The following ZNF326 variants were observed in gnomAD, a reference collection of about 807,000 sequenced individuals.
ZNF326 encodes DBIRD complex subunit ZNF326.
Under a neutral mutation model 63.1 loss-of-function variants are expected in ZNF326, and 30 were observed. The observed-to-expected ratio is 0.48, with a 90% CI of 0.36 to 0.64. The LOEUF is 0.64. Ranked by LOEUF, ZNF326 falls within the 30% of genes least tolerant of loss-of-function variation. The pLI is 0.00. For missense variants in ZNF326, 609 were observed against 720.3 expected (o/e 0.85, Z 1.77); for synonymous variants, 194 against 228.2 (o/e 0.85, Z 1.35).
chr1:90,019,885 C>T (rs914116537), intron 9 of ZNF326, among the ~76,000 whole-genome samples: 3 of 152,044 alleles, frequency 2.0e-5, no homozygotes, highest in East Asian at 1.9e-4. Context: ...TTTTCCTTCA[C>T]GTATCTTGAG....
At chr1:90,013,802 G>T (rs902613006) in intron 7 of ZNF326, among the ~76,000 whole-genome samples, 1 of 152,014 alleles carries the variant, frequency 6.6e-6, no homozygotes, top group Non-Finnish European at 1.5e-5. Flanking sequence ...AGTGGCTCAT[G>T]CCTGTAATCC....
At chr1:90,026,682 T>A (rs1650028384) in intron 11 of ZNF326, among the ~76,000 whole-genome samples, 1 of 152,204 alleles carries the variant, frequency 6.6e-6, no homozygotes, top group African/African-American at 2.4e-5. Flanking sequence ...ATCCTACACA[T>A]TCCTGTGTCA....
intron 1 of ZNF326, among the ~76,000 whole-genome samples, chr1:89,995,912 G>A (rs1292611309): frequency 6.6e-6 from 1 of 152,200 alleles, no homozygotes; most frequent in Non-Finnish European, 1.5e-5. Flanking sequence ...AAATATTTAT[G>A]TGAACCAAAG....
chr1:90,017,505 T>A lies in ZNF326; in HGVS notation c.1074+41T>A, dbSNP rs368272751. On this transcript the variant is annotated intron_variant, in intron 8 of 11. Transcript: ENST00000340281. ...TGAAGTGAGAAGCATTTTATTGATATGAATTTCTTATGATTTCATTTTTCA... is the reference window on the plus strand; with the variant it reads ...TGAAGTGAGAAGCATTTTATTGATAAGAATTTCTTATGATTTCATTTTTCA... The A allele has an allele frequency of 3.5e-5, 54 of 1,533,396 alleles. No homozygotes were observed. In the South Asian group the frequency reaches 6.6e-4, roughly 19 times the overall value. 95.0% of individuals were successfully genotyped at this position (1,533,396 alleles called of 1,614,324 possible).
chr1:90,009,864 ATTTG>A (rs1649153082), intron 5 of ZNF326, among the ~76,000 whole-genome samples: 1 of 152,108 alleles, frequency 6.6e-6, no homozygotes, highest in Admixed American at 6.6e-5. Context: ...AATATTCATT[ATTTG>A]TTCTACTGGA....
chr1:90,003,531 C>T (rs978507984), intron 2 of ZNF326, among the ~76,000 whole-genome samples: 2 of 152,232 alleles, frequency 1.3e-5, no homozygotes, highest in South Asian at 2.1e-4. Flanking sequence ...ACAAGCACCA[C>T]GTGAGAGTTA....
intron 4 of ZNF326, chr1:90,005,886 G>A (rs1032459177): frequency 1.2e-5 from 12 of 985,248 alleles, no homozygotes; most frequent in South Asian, 4.7e-5. Context: ...TTGACTAGTC[G>A]AGATTGTATT....
chr1:90,034,401 G>A lies in ZNF326; in HGVS notation c.*6700G>A, dbSNP rs963530126. 10 of 152,104 alleles carry A rather than the reference G, an allele frequency of 6.6e-5. No homozygotes were observed. Among genetic ancestry groups the A allele is most frequent in the East Asian group, 1.9e-4 (1 of 5,196 alleles). The allele number at this position is 152,104 out of a possible 1,614,324, so 9.4% of individuals were successfully genotyped here. A position where few individuals can be genotyped will look rare whatever the true frequency, so the allele number is the denominator to read the frequency against. On this transcript the variant is annotated 3_prime_UTR_variant, in exon 12 of 12. Transcript: ENST00000340281. ...TCATAGCTACGTATTTGAACACAGCGCTTAGAAATTGTCAGATAAAGAGTT... is the reference window on the plus strand; with the variant it reads ...TCATAGCTACGTATTTGAACACAGCACTTAGAAATTGTCAGATAAAGAGTT...
At chr1:90,013,936 G>A (rs1421906288) in intron 7 of ZNF326, among the ~76,000 whole-genome samples, 1 of 151,912 alleles carries the variant, frequency 6.6e-6, no homozygotes, top group African/African-American at 2.4e-5. Flanking sequence ...GGTGTGGTGG[G>A]TGCCTGTAGT....
intron 2 of ZNF326, 127 bp downstream of exon 2, chr1:89,998,281 T>G: frequency 1.3e-6 from 1 of 769,272 alleles, no homozygotes; most frequent in Admixed American, 2.9e-5. Context: ...TAATATTGTC[T>G]TACTATATAT....
intron 9 of ZNF326, among the ~76,000 whole-genome samples, chr1:90,019,905 C>T (rs1486064178): frequency 6.6e-6 from 1 of 152,086 alleles, no homozygotes; most frequent in Non-Finnish European, 1.5e-5. Flanking sequence ...GAAGGGCCTG[C>T]ACCATCTACC....
At chr1:90,008,330 G>A (rs977061832) in intron 5 of ZNF326, among the ~76,000 whole-genome samples, 3 of 152,132 alleles carry the variant, frequency 2.0e-5, no homozygotes, top group Admixed American at 6.5e-5. Flanking sequence ...GCTAACTCAC[G>A]CTTACAATAT....
At chr1:90,003,813 T>C (rs1648818037) in intron 2 of ZNF326, among the ~76,000 whole-genome samples, 1 of 152,190 alleles carries the variant, frequency 6.6e-6, no homozygotes, top group African/African-American at 2.4e-5. Flanking sequence ...ATTTTGAACA[T>C]TCAGGTTGCT....
intron 1 of ZNF326, among the ~76,000 whole-genome samples, chr1:89,996,829 A>G (rs375622334): frequency 1.3e-5 from 2 of 152,308 alleles, no homozygotes; most frequent in East Asian, 3.9e-4. Context: ...AAAATATATT[A>G]TTGTATTTTC....
chr1:89,995,217 C>T lies in ZNF326; in HGVS notation c.-41C>T. The T allele has an allele frequency of 6.5e-7, 1 of 1,537,022 alleles. No individual in the cohort carries two copies. On this transcript the variant is annotated 5_prime_UTR_variant, in exon 1 of 12. Transcript: ENST00000340281. Reference sequence around the variant, plus strand: ...CGGACGCTCGCCGCCGGCCATAGCTCAGCCTAGCGCCGCCAAGGCCGACGG... The same window carrying T: ...CGGACGCTCGCCGCCGGCCATAGCTTAGCCTAGCGCCGCCAAGGCCGACGG...
intron 1 of ZNF326, among the ~76,000 whole-genome samples, chr1:89,997,626 CT>C (rs1159606586): frequency 6.6e-6 from 1 of 152,222 alleles, no homozygotes; most frequent in Non-Finnish European, 1.5e-5. Flanking sequence ...CCCACCTCAC[CT>C]TCCCAAGTGC....
chr1:90,022,826 G>A (rs1371173527), intron 11 of ZNF326, among the ~76,000 whole-genome samples: 1 of 152,106 alleles, frequency 6.6e-6, no homozygotes, highest in East Asian at 1.9e-4. Context: ...CCCAAAAGAG[G>A]GGACCCACAA....
intron 1 of ZNF326, among the ~76,000 whole-genome samples, chr1:89,995,674 G>T (rs1648327063): frequency 6.6e-6 from 1 of 152,248 alleles, no homozygotes; most frequent in African/African-American, 2.4e-5. Flanking sequence ...GACCCAGACC[G>T]TCCGTTTAGT....
intron 1 of ZNF326, among the ~76,000 whole-genome samples, chr1:89,997,319 G>C (rs931724379): frequency 6.6e-6 from 1 of 152,112 alleles, no homozygotes; most frequent in Non-Finnish European, 1.5e-5. Flanking sequence ...CATTCTGCTT[G>C]AATATAGAAC....
Sources: gnomAD v4.1 joint callset for allele counts (sites outside exome capture counted in the v4.1 genomes callset) on GRCh38, gnomAD v4.1.1 for gene constraint, MANE v1.5 for transcripts, NCBI Gene and HGNC (gene_info 2026-07-23, HGNC 2026-07-21) for gene names.